Variants in RPRD2 observed in about 807,000 individuals in gnomAD.
RPRD2 encodes the protein regulation of nuclear pre-mRNA domain containing 2, also known as regulation of nuclear pre-mRNA domain-containing protein 2.
Under a neutral mutation model 104.4 loss-of-function variants are expected in RPRD2, and 12 were observed. The observed-to-expected ratio is 0.11, with a 90% confidence interval of 0.07 to 0.19. RPRD2 has a LOEUF of 0.19. Among genes scored for constraint, RPRD2 ranks in the 10% least tolerant of loss-of-function variants. The probability of loss-of-function intolerance (pLI) is 1.00; values close to 1 mark genes in which losing one functional copy is unlikely to be tolerated. For missense variants in RPRD2, 1,543 were observed against 1,790.1 expected, an observed-to-expected ratio of 0.86 and a Z score of 2.49; for synonymous variants, 714 against 684.9, an observed-to-expected ratio of 1.04 and a Z score of -0.66.
chr1:150,466,633 T>C (rs1200766040), intron 10 of RPRD2, among the ~76,000 whole-genome samples: 1 of 152,024 alleles, frequency 6.6e-6, no homozygotes, highest in Non-Finnish European at 1.5e-5. Context: ...TTATTTTATT[T>C]ATTATTTTAT....
At chr1:150,447,783 G>A (rs1666885786) in intron 7 of RPRD2, among the ~76,000 whole-genome samples, 1 of 152,076 alleles carries the variant, frequency 6.6e-6, no homozygotes, top group Non-Finnish European at 1.5e-5. Context: ...TGGTACTGTA[G>A]GTCCCACCAG....
At position 150,476,455 on chromosome 1, in the gene RPRD2, T is replaced by C. The variant is rs866720283; in HGVS notation, c.*3121T>C. On this transcript the variant is annotated 3_prime_UTR_variant, in exon 11 of 11. Transcript: ENST00000369068. ...CTAAAATAGATATGTTGGATTGATA[T>C]TCTCACGTGTTCGGTGTGGAAAACA... 2 of 152,236 alleles carry C rather than the reference T, an allele frequency of 1.3e-5. No individual in the cohort carries two copies. The highest frequency in any genetic ancestry group is 2.1e-4 in the South Asian group (1 of 4,832). The allele number at this position is 152,236 out of a possible 1,614,324, so 9.4% of individuals were successfully genotyped here. A position where few individuals can be genotyped will look rare whatever the true frequency, so the allele number is the denominator to read the frequency against.
At chr1:150,416,828 C>T (rs587715314) in intron 1 of RPRD2, among the ~76,000 whole-genome samples, 14 of 144,540 alleles carry the variant, frequency 9.7e-5, no homozygotes, top group Non-Finnish European at 1.5e-4. Flanking sequence ...GCTGAGATTG[C>T]GCCACTTCAC....
At chr1:150,381,504 ATT>A (rs35623676) in intron 1 of RPRD2, among the ~76,000 whole-genome samples, 30 of 138,298 alleles carry the variant, frequency 2.2e-4, no homozygotes, top group Non-Finnish European at 2.2e-4. Flanking sequence ...ATAGGACACA[ATT>A]TTTTTTTTTT....
At chr1:150,388,116 C>T (rs1553882307) in intron 1 of RPRD2, among the ~76,000 whole-genome samples, 1 of 151,602 alleles carries the variant, frequency 6.6e-6, no homozygotes, top group African/African-American at 2.4e-5. Context: ...CGGGGTCTCA[C>T]TATGTTGCCT....
chr1:150,369,945 T>A (rs1660175619), intron 1 of RPRD2, among the ~76,000 whole-genome samples: 1 of 151,618 alleles, frequency 6.6e-6, no homozygotes, highest in African/African-American at 2.4e-5. Context: ...CACGCCCAAC[T>A]AATTTTTGTA....
In RPRD2 at chr1:150,457,433, A is replaced by G. The variant is rs782411539; in HGVS notation, c.1016A>G (p.Gln339Arg). 2 of 1,613,880 alleles carry G rather than the reference A, an allele frequency of 1.2e-6. No homozygotes were observed. Among genetic ancestry groups the G allele is most frequent in the East Asian group, 2.2e-5 (1 of 44,870 alleles). The change falls in exon 8 of 11, where the codon CAG (glutamine) becomes CGG (arginine). Residue 339 changes from glutamine (Q) to arginine (R), a missense_variant. By Grantham distance (43) the Gln-to-Arg change is conservative. Around this residue, in one of 4 missense-constraint regions of RPRD2, gnomAD observed 572 missense variants for 787.3 expected, o/e 0.73. Transcript: ENST00000369068. ...PSPTGSESPF[Q>R]GMGGEESQSP... ...CCGACTGGTTCTGAGTCTCCTTTTC[A>G]GGGAATGGGAGGTGAGGAATCCCAG... is the stretch of plus-strand genomic sequence containing the variant.
In RPRD2 at chr1:150,435,047, C is replaced by G. The variant is rs587647139; in HGVS notation, c.336-5876C>G. ...TTCCAACATATGCTCATTCATGTCT[C>G]TGTGTCACATTTTGGTAATATTTGC... On this transcript the variant is annotated intron_variant, in intron 2 of 10. Coordinates refer to ENST00000369068, the MANE Select transcript of RPRD2 (RefSeq NM_015203.5). Among the ~76,000 whole-genome samples the G allele has an allele frequency of 1.4e-4, 21 of 152,212 alleles. No homozygotes were observed. The South Asian group carries it at 4.1e-3, about 30-fold the overall frequency.
At chr1:150,396,347 C>T (rs1553884218) in intron 1 of RPRD2, among the ~76,000 whole-genome samples, 2 of 152,028 alleles carry the variant, frequency 1.3e-5, no homozygotes, top group African/African-American at 4.8e-5. Flanking sequence ...TTCAAAAGCT[C>T]TTTAGTTTAA....
At chr1:150,468,634 T>A (rs894631961) in intron 10 of RPRD2, among the ~76,000 whole-genome samples, 1 of 152,210 alleles carries the variant, frequency 6.6e-6, no homozygotes, top group Non-Finnish European at 1.5e-5. Flanking sequence ...CTCAGCACTT[T>A]GGGAGGCTGA....
At chr1:150,385,660 C>T (rs1231338838) in intron 1 of RPRD2, among the ~76,000 whole-genome samples, 1 of 152,106 alleles carries the variant, frequency 6.6e-6, no homozygotes, top group Non-Finnish European at 1.5e-5. Flanking sequence ...GCTAGAGGTA[C>T]CCTTAGTGTT....
At chr1:150,429,572 C>G (rs1310551442) in intron 2 of RPRD2, among the ~76,000 whole-genome samples, 1 of 152,152 alleles carries the variant, frequency 6.6e-6, no homozygotes, top group Non-Finnish European at 1.5e-5. Flanking sequence ...CCAGGCTGGT[C>G]TCGAACTCCT....
chr1:150,373,959 C>G (rs1026949380), intron 1 of RPRD2, among the ~76,000 whole-genome samples: 1 of 152,134 alleles, frequency 6.6e-6, no homozygotes, highest in Non-Finnish European at 1.5e-5. Context: ...TGTCCCATTT[C>G]CTGGCATACT....
chr1:150,387,913 C>CT (rs34188350), intron 1 of RPRD2, among the ~76,000 whole-genome samples: 7,504 of 94,604 alleles, frequency 0.079, 984 homozygotes, highest in African/African-American at 0.25. Context: ...TTTCTTTTCT[C>CT]TTTTTTTTTT....
At chr1:150,444,921 C>T (rs587625585) in intron 6 of RPRD2, among the ~76,000 whole-genome samples, 1 of 152,298 alleles carries the variant, frequency 6.6e-6, no homozygotes, top group Admixed American at 6.5e-5. Context: ...AGACCAGACA[C>T]AGTGCCTGTA....
At position 150,381,581 on chromosome 1, in the gene RPRD2, T is replaced by G. The variant is rs910259997; in HGVS notation, c.205+16662T>G. 9.2e-5 allele frequency among the ~76,000 whole-genome samples: 14 copies of G among 151,712 alleles called. No individual in the cohort carries two copies. In the South Asian group the frequency reaches 2.9e-3, roughly 32 times the overall value. On this transcript the variant is annotated intron_variant, in intron 1 of 10. Coordinates refer to ENST00000369068, the MANE Select transcript of RPRD2 (RefSeq NM_015203.5). ...GTGCAGTGGCGTGATCTCAGCTCAT[T>G]GCAAGCTCTGCCTCCTGGGTTCATG...
At chr1:150,404,199 A>G (rs1553886048) in intron 1 of RPRD2, among the ~76,000 whole-genome samples, 3 of 152,200 alleles carry the variant, frequency 2.0e-5, no homozygotes, top group African/African-American at 7.2e-5. Context: ...GTTAAATATT[A>G]GTTTGAAATA....
At chr1:150,378,955 CT>C (rs1560149657) in intron 1 of RPRD2, among the ~76,000 whole-genome samples, 1 of 143,596 alleles carries the variant, frequency 7.0e-6, no homozygotes, top group Admixed American at 7.3e-5. Context: ...GCACATCAGC[CT>C]GGGCAACAGA....
At chr1:150,443,564 T>C (rs1553894903) in intron 5 of RPRD2, among the ~76,000 whole-genome samples, 1 of 152,232 alleles carries the variant, frequency 6.6e-6, no homozygotes, top group African/African-American at 2.4e-5. Context: ...TGAAACTCTT[T>C]CTAAATTAGA....
Sources: allele counts gnomAD v4.1 joint callset (sites outside exome capture counted in the v4.1 genomes callset), GRCh38; gene constraint gnomAD v4.1.1; regional missense constraint gnomAD v4.1.1; transcripts MANE v1.5; gene names NCBI Gene and HGNC (gene_info 2026-07-23, HGNC 2026-07-21).